Variants in ZNF286A observed in about 807,000 individuals in gnomAD.
ZNF286A encodes zinc finger protein ZNF286.
Under a neutral mutation model 49.3 loss-of-function variants are expected in ZNF286A, and 34 were observed. The ratio of observed to expected loss-of-function variants is 0.69; its 90% CI spans 0.52 to 0.92. The LOEUF (loss-of-function observed/expected upper bound fraction) is 0.92, where lower values mean the gene tolerates loss of function less well. Ranked by LOEUF, ZNF286A falls within the 40% of genes least tolerant of loss-of-function variation. The probability of loss-of-function intolerance (pLI) is 0.00; values close to 1 mark genes in which losing one functional copy is unlikely to be tolerated. For synonymous variants in ZNF286A, 155 were observed against 200.4 expected (o/e 0.77, Z 1.91); for missense variants, 462 against 600.2 (o/e 0.77, Z 2.41).
rs140243513 is a variant in ZNF286A at position 15,708,232 on chromosome 17, A to G, written c.319A>G (p.Lys107Glu). ...EPLKLERKAP[K>E]SSYSDMETRP... ...ATTGAAGCTTGAGAGAAAAGCCCCC[A>G]AAAGCAGCTATTCAGGTGAGCCAGA... Residue 107 changes from lysine (K) to glutamate (E), a missense_variant, in exon 5 of 6, where the codon AAA becomes GAA. Physicochemically the swap from Lys to Glu is moderately conservative, Grantham distance 56 (BLOSUM62 1). Transcript: ENST00000583566. 3 of 1,590,150 alleles carry G rather than the reference A, an allele frequency of 1.9e-6. No homozygotes were observed. Among genetic ancestry groups the G allele is most frequent in the South Asian group, 2.3e-5 (2 of 87,428 alleles).
intron 3 of ZNF286A, among the ~76,000 whole-genome samples, chr17:15,703,535 G>A (rs1989948923): frequency 1.3e-5 from 2 of 151,678 alleles, no homozygotes; most frequent in Admixed American, 1.3e-4. Context: ...TAAAGGTAAT[G>A]CTACTTCCCC....
intron 3 of ZNF286A, among the ~76,000 whole-genome samples, chr17:15,703,140 C>A (rs1345721644): frequency 6.6e-6 from 1 of 152,218 alleles, no homozygotes; most frequent in African/African-American, 2.4e-5. Context: ...CATACACATG[C>A]GCGTGCACGC....
chr17:15,704,407 G>T, intron 3 of ZNF286A: 1 of 1,606,392 alleles, frequency 6.2e-7, no homozygotes, highest in Non-Finnish European at 8.5e-7. Flanking sequence ...CCCGGCTTCG[G>T]CCCTGCCGCT....
At chr17:15,708,618 A>G (rs1490392980) in intron 5 of ZNF286A, among the ~76,000 whole-genome samples, 2 of 152,208 alleles carry the variant, frequency 1.3e-5, no homozygotes, top group African/African-American at 4.8e-5. Context: ...GCCCTGTTTC[A>G]GGACCCTCCC....
intron 4 of ZNF286A, 92 bp downstream of exon 4, chr17:15,706,593 T>C (rs1990243530): frequency 1.1e-6 from 1 of 936,466 alleles, no homozygotes. Flanking sequence ...CACCTTTGCA[T>C]TCAGGAGTCA....
chr17:15,716,467 G>A lies in ZNF286A; in HGVS notation c.743G>A (p.Cys248Tyr), dbSNP rs1357114033. 6.2e-7 allele frequency: 1 copy of A among 1,613,794 alleles called. No homozygotes were observed. The highest frequency in any genetic ancestry group is 8.5e-7 in the Non-Finnish European group (1 of 1,179,958). Reference sequence around the variant, plus strand: ...AAAAAACCTCATAAATGTAATGATTGTGGTGAACTCTTCACCTACCATTCA... The same window carrying A: ...AAAAAACCTCATAAATGTAATGATTATGGTGAACTCTTCACCTACCATTCA... ...KEKKPHKCND[C>Y]GELFTYHSVL... is the part of the protein sequence containing the mutation. Residue 248 changes from cysteine to tyrosine, a missense_variant, in exon 6 of 6, where the codon TGT (cysteine) becomes TAT (tyrosine). Physicochemically the swap from Cys to Tyr is radical, Grantham distance 194. Around this residue, in one of 3 missense-constraint regions of ZNF286A, gnomAD observed 259 missense variants for 272.2 expected, o/e 0.95. Coordinates refer to ENST00000583566, the MANE Select transcript of ZNF286A (RefSeq NM_001130842.2).
intron 3 of ZNF286A, among the ~76,000 whole-genome samples, chr17:15,701,829 T>C (rs1989796041): frequency 6.6e-6 from 1 of 152,168 alleles, no homozygotes; most frequent in Non-Finnish European, 1.5e-5. Flanking sequence ...ATGACAAATA[T>C]TACGAATGTT....
At chr17:15,712,162 G>A (rs913645258) in intron 5 of ZNF286A, among the ~76,000 whole-genome samples, 1 of 152,198 alleles carries the variant, frequency 6.6e-6, no homozygotes, top group African/African-American at 2.4e-5. Flanking sequence ...GTGAGCCACT[G>A]CGTCCAGCAA....
chr17:15,707,527 A>G (rs1990330640), intron 4 of ZNF286A, among the ~76,000 whole-genome samples: 1 of 152,108 alleles, frequency 6.6e-6, no homozygotes, highest in African/African-American at 2.4e-5. Context: ...TACCACCGTT[A>G]CAGTTATGTG....
intron 5 of ZNF286A, chr17:15,709,913 C>G (rs1597721630): frequency 1.3e-6 from 2 of 1,531,364 alleles, no homozygotes; most frequent in East Asian, 4.9e-5. Context: ...CTTAAATCAT[C>G]ACATGTTTAG....
chr17:15,709,982 C>G, intron 5 of ZNF286A: 1 of 1,461,336 alleles, frequency 6.8e-7, no homozygotes. Flanking sequence ...GTCAATCTGA[C>G]GGATGCAAAA....
intron 3 of ZNF286A, chr17:15,704,560 A>C (rs1990057958): frequency 4.3e-6 from 7 of 1,613,998 alleles, no homozygotes; most frequent in Middle Eastern, 1.6e-4. Context: ...CCTGATGGTC[A>C]GCAGTACGTG....
At chr17:15,701,110 C>A (rs779642822) in intron 2 of ZNF286A, 42 bp from the exon 3 acceptor site, 14 of 1,600,450 alleles carry the variant, frequency 8.7e-6, no homozygotes, top group Admixed American at 1.7e-5. Context: ...CTGAGTGGCA[C>A]GTTAAGCCTA....
chr17:15,714,613 G>T (rs541184015), intron 5 of ZNF286A, among the ~76,000 whole-genome samples: 1 of 152,086 alleles, frequency 6.6e-6, no homozygotes, highest in African/African-American at 2.4e-5. Context: ...TAAGGAAACC[G>T]AAGTAAAGAG....
intron 5 of ZNF286A, among the ~76,000 whole-genome samples, chr17:15,709,538 C>A (rs569327313): frequency 6.6e-6 from 1 of 151,818 alleles, no homozygotes; most frequent in South Asian, 2.1e-4. Flanking sequence ...TATTCTCTTT[C>A]TCCCCTAGAA....
intron 5 of ZNF286A, chr17:15,711,237 T>C (rs2151471363): frequency 6.6e-6 from 1 of 152,256 alleles, no homozygotes; most frequent in African/African-American, 2.4e-5. Flanking sequence ...TTATAATCTT[T>C]TTTTTTCTGC....
At chr17:15,704,847 C>T in intron 3 of ZNF286A, 1 of 1,612,920 alleles carries the variant, frequency 6.2e-7, no homozygotes, top group Non-Finnish European at 8.5e-7. Flanking sequence ...TCGTCACCTC[C>T]TTGTACACCA....
chr17:15,711,647 A>G (rs113842463), intron 5 of ZNF286A, among the ~76,000 whole-genome samples: 2 of 152,190 alleles, frequency 1.3e-5, no homozygotes, highest in Non-Finnish European at 2.9e-5. Context: ...TTTGTGGGAC[A>G]TGGTGTCTCT....
chr17:15,706,464 T>A lies in ZNF286A; in HGVS notation c.204T>A (p.Asp68Glu), dbSNP rs1405892395. Residue 68 changes from aspartate to glutamate, a missense_variant, in exon 4 of 6, where the codon GAT becomes GAA. Around this residue, in one of 3 missense-constraint regions of ZNF286A, gnomAD observed 259 missense variants for 272.2 expected, o/e 0.95. Coordinates refer to ENST00000583566, the MANE Select transcript of ZNF286A (RefSeq NM_001130842.2). ...GGAAGCTGGATCCTGCACAAAGGGA[T>A]GTGATGCTGGAGAACTATAGGAACC... ...EWGKLDPAQR[D>E]VMLENYRNLV... 1.9e-6 allele frequency: 3 copies of A among 1,613,244 alleles called. No homozygotes were observed. Among genetic ancestry groups the A allele is most frequent in the Middle Eastern group, 1.7e-4 (1 of 6,058 alleles).
Sources: gnomAD v4.1 joint callset for allele counts (sites outside exome capture counted in the v4.1 genomes callset) on GRCh38, gnomAD v4.1.1 for gene constraint, gnomAD v4.1.1 regional missense constraint, MANE v1.5 for transcripts, NCBI Gene and HGNC (gene_info 2026-07-23, HGNC 2026-07-21) for gene names.